The following MBNL1 variants were observed in gnomAD, a reference collection of about 807,000 sequenced individuals.
MBNL1 encodes muscleblind like splicing regulator 1.
A neutral mutation model predicts 42.2 loss-of-function variants in MBNL1; 8 were observed. The observed-to-expected ratio is 0.19, with a 90% CI of 0.11 to 0.34. The LOEUF (loss-of-function observed/expected upper bound fraction) is 0.34, where lower values mean the gene tolerates loss of function less well. Among genes scored for constraint, MBNL1 ranks in the 10% least tolerant of loss-of-function variants. The pLI is 1.00. For synonymous variants in MBNL1, 169 were observed against 173.9 expected (o/e 0.97, Z 0.22); for missense variants, 309 against 495.3 (o/e 0.62, Z 3.57).
chr3:152,296,357 T>C (rs1450862867), intron 1 of MBNL1, among the ~76,000 whole-genome samples: 4 of 151,992 alleles, frequency 2.6e-5, no homozygotes, highest in Non-Finnish European at 5.9e-5. Flanking sequence ...AGGTGGAGGC[T>C]TGTGGAAGCT....
intron 2 of MBNL1, among the ~76,000 whole-genome samples, chr3:152,334,431 T>G (rs2087882163): frequency 6.6e-6 from 1 of 152,200 alleles, no homozygotes; most frequent in Non-Finnish European, 1.5e-5. Flanking sequence ...CCAGCCACAT[T>G]GTAGCCACTG....
At chr3:152,318,598 G>C (rs976077113) in intron 2 of MBNL1, among the ~76,000 whole-genome samples, 1 of 152,054 alleles carries the variant, frequency 6.6e-6, no homozygotes, top group African/African-American at 2.4e-5. Context: ...TTTGTTTGTG[G>C]GTTTACAGAT....
chr3:152,419,805 A>G (rs1350569836), intron 3 of MBNL1, among the ~76,000 whole-genome samples: 3 of 152,092 alleles, frequency 2.0e-5, no homozygotes, highest in Non-Finnish European at 4.4e-5. Flanking sequence ...CAGGGAGCCA[A>G]GTGGTCTTGC....
chr3:152,247,225 A>T (rs1271881550), intron 2 of MBNL1, among the ~76,000 whole-genome samples: 1 of 152,110 alleles, frequency 6.6e-6, no homozygotes, highest in African/African-American at 2.4e-5. Context: ...ATCCCAGATA[A>T]TGTGGGTCTT....
At chr3:152,453,353 A>C (rs563161853) in intron 6 of MBNL1, among the ~76,000 whole-genome samples, 118 of 152,264 alleles carry the variant, frequency 7.7e-4, no homozygotes, top group Non-Finnish European at 9.6e-4. Flanking sequence ...CTACATTTTC[A>C]TACATATCAA....
chr3:152,361,410 A>G (rs1385285392), intron 2 of MBNL1, among the ~76,000 whole-genome samples: 2 of 150,838 alleles, frequency 1.3e-5, no homozygotes, highest in Non-Finnish European at 3.0e-5. Context: ...AGTAGAAGGA[A>G]TAAACTAGGT....
At chr3:152,362,376 T>C (rs2096038974) in intron 2 of MBNL1, among the ~76,000 whole-genome samples, 1 of 152,206 alleles carries the variant, frequency 6.6e-6, no homozygotes, top group Non-Finnish European at 1.5e-5. Flanking sequence ...TCATATGATG[T>C]AGATTCAAAA....
At chr3:152,274,913 G>C (rs752405876) in intron 1 of MBNL1, among the ~76,000 whole-genome samples, 81 of 152,036 alleles carry the variant, frequency 5.3e-4, no homozygotes, top group Admixed American at 4.6e-4. Flanking sequence ...TAAATATAAA[G>C]GATTCAAGAT....
At chr3:152,279,597 A>AAAC (rs35415272) in intron 1 of MBNL1, among the ~76,000 whole-genome samples, 81,356 of 151,808 alleles carry the variant, frequency 0.54, 22,068 homozygotes, top group Middle Eastern at 0.64. Context: ...GGATTTGTAA[A>AAAC]AAAAATAAAA....
chr3:152,348,591 A>C (rs1221247159), intron 2 of MBNL1, among the ~76,000 whole-genome samples: 1 of 152,136 alleles, frequency 6.6e-6, no homozygotes, highest in Non-Finnish European at 1.5e-5. Flanking sequence ...TTTGGGAATC[A>C]GGAGATGAGA....
intron 2 of MBNL1, among the ~76,000 whole-genome samples, chr3:152,410,421 C>T (rs1560485622): frequency 6.6e-6 from 1 of 152,174 alleles, no homozygotes; most frequent in Non-Finnish European, 1.5e-5. Flanking sequence ...GGACAGATTA[C>T]TTTTAATTGA....
At chr3:152,398,349 T>A (rs1033172996) in intron 2 of MBNL1, among the ~76,000 whole-genome samples, 26 of 152,110 alleles carry the variant, frequency 1.7e-4, no homozygotes, top group Non-Finnish European at 3.4e-4. Flanking sequence ...GTTTTTTTTT[T>A]AATTAAAAAA....
chr3:152,245,237 T>C (rs1283243110), intron 2 of MBNL1, among the ~76,000 whole-genome samples: 1 of 152,134 alleles, frequency 6.6e-6, no homozygotes, highest in African/African-American at 2.4e-5. Context: ...TCCAGAATAA[T>C]ACCTACACAT....
intron 2 of MBNL1, among the ~76,000 whole-genome samples, chr3:152,388,580 C>T (rs778398769): frequency 6.6e-6 from 1 of 152,184 alleles, no homozygotes; most frequent in Non-Finnish European, 1.5e-5. Context: ...CCAGCTCTTA[C>T]CTTTACCTAC....
chr3:152,338,397 A>G, intron 2 of MBNL1: 1 of 985,370 alleles, frequency 1.0e-6, no homozygotes, highest in Non-Finnish European at 1.2e-6. Context: ...AAAGCGGGGA[A>G]TATTCCTCCC....
chr3:152,250,404 G>T (rs1475776845), intron 2 of MBNL1, among the ~76,000 whole-genome samples: 1 of 151,534 alleles, frequency 6.6e-6, no homozygotes, highest in Non-Finnish European at 1.5e-5. Context: ...GTTCACTCAT[G>T]ATTTGGCTCT....
At chr3:152,363,871 A>G (rs995215219) in intron 2 of MBNL1, among the ~76,000 whole-genome samples, 2 of 152,248 alleles carry the variant, frequency 1.3e-5, no homozygotes, top group Admixed American at 1.3e-4. Flanking sequence ...TAATGAAAAA[A>G]TATCAATTCC....
intron 1 of MBNL1, among the ~76,000 whole-genome samples, chr3:152,296,140 A>T (rs1236796905): frequency 6.6e-6 from 1 of 152,184 alleles, no homozygotes; most frequent in African/African-American, 2.4e-5. Context: ...GACTCTTTAG[A>T]TATTTGCTTG....
chr3:152,245,448 T>C (rs1420957202), intron 2 of MBNL1, among the ~76,000 whole-genome samples: 4 of 152,184 alleles, frequency 2.6e-5, no homozygotes, highest in African/African-American at 7.2e-5. Context: ...AGCATTTTCA[T>C]AATTGAATCC....
Sources: allele counts gnomAD v4.1 joint callset (sites outside exome capture counted in the v4.1 genomes callset), GRCh38; gene constraint gnomAD v4.1.1; transcripts MANE v1.5; gene names NCBI Gene and HGNC (gene_info 2026-07-23, HGNC 2026-07-21).